Variants in HRH1 observed in about 807,000 individuals in gnomAD.
HRH1 encodes the protein histamine H1 receptor.
In HRH1, 6 loss-of-function variants were observed where a neutral mutation model predicts 10.3. The ratio of observed to expected loss-of-function variants is 0.58; its 90% CI spans 0.32 to 1.15. The LOEUF is 1.15. Ranked by LOEUF, HRH1 falls within the 50% of genes most tolerant of loss-of-function variation. The probability of loss-of-function intolerance (pLI) is 0.05; values close to 1 mark genes in which losing one functional copy is unlikely to be tolerated. For synonymous variants in HRH1, 242 were observed against 236.7 expected (o/e 1.02, Z -0.21); for missense variants, 514 against 615.3 (o/e 0.84, Z 1.74).
At chr3:11,147,131 CCA>C (rs1162388044) in intron 1 of HRH1, among the ~76,000 whole-genome samples, 4 of 152,174 alleles carry the variant, frequency 2.6e-5, no homozygotes, top group Non-Finnish European at 2.9e-5. Flanking sequence ...TGAAATTTGA[CCA>C]CAGTCCCACT....
At chr3:11,158,400 C>A (rs1396863851) in intron 1 of HRH1, among the ~76,000 whole-genome samples, 1 of 152,152 alleles carries the variant, frequency 6.6e-6, no homozygotes, top group Non-Finnish European at 1.5e-5. Flanking sequence ...AGAGAAGAAA[C>A]AGGTTCAGAG....
intron 1 of HRH1, among the ~76,000 whole-genome samples, chr3:11,200,261 A>C (rs1230144360): frequency 2.0e-5 from 3 of 152,156 alleles, no homozygotes; most frequent in Non-Finnish European, 2.9e-5. Context: ...CCAGCCCTGG[A>C]GCTGCCCTAA....
chr3:11,157,021 C>T (rs1212989048), intron 1 of HRH1, among the ~76,000 whole-genome samples: 1 of 152,252 alleles, frequency 6.6e-6, no homozygotes, highest in Admixed American at 6.5e-5. Flanking sequence ...CTGGCCATTG[C>T]AACGAGTGTC....
In HRH1 at chr3:11,161,630, G is replaced by A. The variant is rs148904974; in HGVS notation, c.-36+7076G>A. ...GTAGGGTCTGCATTCATAACAGAGC[G>A]CCTGGCACTTCATGGTGCTCACAAA... On this transcript the variant is annotated intron_variant, in intron 1 of 1. Transcript: ENST00000431010. Among the ~76,000 whole-genome samples the A allele has an allele frequency of 3.2e-4, 49 of 152,276 alleles. 1 individual carries two copies. Among genetic ancestry groups the A allele is most frequent in the Middle Eastern group, 3.4e-3 (1 of 294 alleles).
intron 1 of HRH1, among the ~76,000 whole-genome samples, chr3:11,155,493 A>G (rs1936767220): frequency 6.6e-6 from 1 of 152,038 alleles, no homozygotes; most frequent in African/African-American, 2.4e-5. Flanking sequence ...GTCCTCCATG[A>G]AGATCCCACC....
At chr3:11,254,328 G>C (rs1048310851) in intron 1 of HRH1, among the ~76,000 whole-genome samples, 2 of 152,122 alleles carry the variant, frequency 1.3e-5, no homozygotes, top group African/African-American at 4.8e-5. Context: ...TCTTAGCATA[G>C]GCAGGTTGGT....
intron 1 of HRH1, among the ~76,000 whole-genome samples, chr3:11,159,481 C>T (rs993472420): frequency 6.6e-6 from 1 of 152,144 alleles, no homozygotes; most frequent in East Asian, 1.9e-4. Context: ...CAGATGGTCA[C>T]ATGATTTTTC....
intron 1 of HRH1, among the ~76,000 whole-genome samples, chr3:11,242,204 G>A (rs1250563889): frequency 6.6e-6 from 1 of 152,162 alleles, no homozygotes; most frequent in South Asian, 2.1e-4. Flanking sequence ...ACACTTGGCC[G>A]GGTGCGGTGG....
At chr3:11,216,539 A>T (rs970887361) in intron 1 of HRH1, among the ~76,000 whole-genome samples, 2 of 152,244 alleles carry the variant, frequency 1.3e-5, no homozygotes, top group Admixed American at 6.5e-5. Context: ...CACGTAGTAT[A>T]TGAATCTGCC....
intron 1 of HRH1, among the ~76,000 whole-genome samples, chr3:11,208,342 C>G (rs2125032434): frequency 6.6e-6 from 1 of 152,088 alleles, no homozygotes; most frequent in Admixed American, 6.5e-5. Flanking sequence ...TTTGTAGAGA[C>G]AGTTTCGCCA....
Position 11,143,088 on chromosome 3 carries a change from G to A in HRH1, c.-36+5689G>A, listed in dbSNP as rs115199870. Reference sequence around the variant, plus strand: ...GTGGGCCCAGGGAACAGTGAAAGGAGGTGAGGACAGAGGGGACGCAGGGGT... The same window carrying A: ...GTGGGCCCAGGGAACAGTGAAAGGAAGTGAGGACAGAGGGGACGCAGGGGT... On this transcript the variant is annotated intron_variant, in intron 1 of 1. Coordinates refer to the HRH1 transcript ENST00000438284. Among the ~76,000 whole-genome samples, 1,380 of 152,256 alleles carry A rather than the reference G, an allele frequency of 9.1e-3. 9 individuals are homozygous for A. Among genetic ancestry groups the A allele is most frequent in the Non-Finnish European group, 0.016 (1,067 of 68,002 alleles).
At chr3:11,150,928 GACAA>G (rs1936600016), upstream of HRH1, among the ~76,000 whole-genome samples, 1 of 152,196 alleles carries the variant, frequency 6.6e-6, no homozygotes, top group Admixed American at 6.5e-5. Flanking sequence ...ATCTAATCCT[GACAA>G]CAGCACTGTG....
chr3:11,196,265 C>T (rs954219229), intron 1 of HRH1, among the ~76,000 whole-genome samples: 2 of 152,212 alleles, frequency 1.3e-5, no homozygotes, highest in East Asian at 3.9e-4. Flanking sequence ...GCTCCTCAGC[C>T]GGGGCTTTGC....
At chr3:11,193,720 A>G (rs1335204982) in intron 1 of HRH1, among the ~76,000 whole-genome samples, 3 of 152,124 alleles carry the variant, frequency 2.0e-5, no homozygotes, top group African/African-American at 7.2e-5. Context: ...AAATGGTGAC[A>G]GTCAACATTT....
intron 1 of HRH1, among the ~76,000 whole-genome samples, chr3:11,199,467 T>C (rs867579449): frequency 5.9e-5 from 9 of 152,078 alleles, no homozygotes; most frequent in Admixed American, 2.6e-4. Flanking sequence ...CAGGCCCTGA[T>C]TTTGACAATG....
chr3:11,213,797 T>C (rs1938405121), intron 1 of HRH1, among the ~76,000 whole-genome samples: 1 of 152,248 alleles, frequency 6.6e-6, no homozygotes, highest in Admixed American at 6.5e-5. Flanking sequence ...GTCCTTTGCA[T>C]GGTGACTGGC....
At position 11,223,183 on chromosome 3, in the gene HRH1, C is replaced by CAAAAAAAAA. The variant is rs58149660; in HGVS notation, c.-35-35800_-35-35792dup. ...CTGGCGACAAAGCGAGACTTCGTCTCAAAAAAAAAAAAAAAAAAAAAAAAA... is the reference window on the plus strand; with the variant it reads ...CTGGCGACAAAGCGAGACTTCGTCTCAAAAAAAAAAAAAAAAAAAAAAAAAAAAAAAAAA... On this transcript the variant is annotated intron_variant, in intron 1 of 1. Coordinates refer to ENST00000431010, the MANE Select transcript of HRH1 (RefSeq NM_001098212.2). Among the ~76,000 whole-genome samples, 2 of 26,784 alleles carry CAAAAAAAAA rather than the reference C, an allele frequency of 7.5e-5. 1 individual carries two copies. The highest frequency in any genetic ancestry group is 1.3e-4 in the Non-Finnish European group (2 of 15,772). 17.6% of individuals were successfully genotyped at this position (26,784 alleles called of 152,430 possible).
rs1380035760 is a variant in HRH1, at chr3:11,171,124, T to TTTC, written c.-36+16572_-36+16573insCTT. Among the ~76,000 whole-genome samples the TTTC allele has an allele frequency of 4.6e-4, 36 of 77,990 alleles. No individual in the cohort carries two copies. The African/African-American group carries it at 5.0e-3, about 11-fold the overall frequency. 51.2% of individuals were successfully genotyped at this position (77,990 alleles called of 152,430 possible). A position where few individuals can be genotyped will look rare whatever the true frequency, so the allele number is the denominator to read the frequency against. Reference sequence around the variant, plus strand: ...GGGTTTTGGGGTTTTTTTTCTTTTCTTTTTTTTTTTTTGAGACAGTCTCAC... The same window carrying TTTC: ...GGGTTTTGGGGTTTTTTTTCTTTTCTTTCTTTTTTTTTTTTGAGACAGTCTCAC... On this transcript the variant is annotated intron_variant, in intron 1 of 1. Coordinates refer to ENST00000431010, the MANE Select transcript of HRH1 (RefSeq NM_001098212.2).
At chr3:11,207,391 C>T (rs1048463522) in intron 1 of HRH1, among the ~76,000 whole-genome samples, 7 of 151,702 alleles carry the variant, frequency 4.6e-5, no homozygotes, top group Non-Finnish European at 1.0e-4. Context: ...GGTGAAACCC[C>T]GTCTCTACTT....
Sources: allele counts gnomAD v4.1 joint callset (sites outside exome capture counted in the v4.1 genomes callset), GRCh38; gene constraint gnomAD v4.1.1; transcripts MANE v1.5; gene names NCBI Gene and HGNC (gene_info 2026-07-23, HGNC 2026-07-21).